The following GATA5 variants were observed in gnomAD, a reference collection of about 807,000 sequenced individuals.
GATA5 encodes transcription factor GATA-5.
A neutral mutation model predicts 35.0 loss-of-function variants in GATA5; 27 were observed. The ratio of observed to expected loss-of-function variants is 0.77; its 90% CI spans 0.57 to 1.06. The LOEUF is 1.06. GATA5 is among the 50% of genes least tolerant of loss of function. GATA5 has a pLI of 0.00. For synonymous variants in GATA5, 306 were observed against 267.8 expected, an observed-to-expected ratio of 1.14 and a Z score of -1.39; for missense variants, 612 against 580.0, an observed-to-expected ratio of 1.06 and a Z score of -0.57.
intron 3 of GATA5, among the ~76,000 whole-genome samples, chr20:62,468,094 G>A (rs1210916655): frequency 1.4e-5 from 2 of 141,372 alleles, no homozygotes; most frequent in African/African-American, 2.8e-5. Flanking sequence ...AGCCCGCCTC[G>A]GTTTCCCCAT....
intron 5 of GATA5, 114 bp from the exon 6 acceptor site, chr20:62,465,578 C>T (rs1555895981): frequency 2.1e-5 from 29 of 1,370,190 alleles, no homozygotes; most frequent in Non-Finnish European, 2.4e-5. Flanking sequence ...AGACTCCTCA[C>T]GGTCACACCG....
chr20:62,475,207 G>A lies in GATA5; in HGVS notation c.315C>T (p.Gly105=), dbSNP rs1191414901. Residue 105 remains glycine, a synonymous_variant, in exon 2 of 7, where the codon GGC becomes GGT. Coordinates refer to ENST00000252997, the MANE Select transcript of GATA5 (RefSeq NM_080473.5). Reference sequence around the variant, plus strand: ...TGCCGTCTCGGCCCCCCGCGCTGCCGCCGCTGCCGGGCCCCGAGGGGCTGT... The same window carrying A: ...TGCCGTCTCGGCCCCCCGCGCTGCCACCGCTGCCGGGCCCCGAGGGGCTGT... The part of the protein sequence containing the change: ...FAHSPSGPGS[G]GSAGGRDGSA... 4.0e-6 allele frequency: 5 copies of A among 1,254,660 alleles called. No homozygotes were observed. In the African/African-American group the frequency reaches 6.2e-5, roughly 16 times the overall value. 77.7% of individuals were successfully genotyped at this position (1,254,660 alleles called of 1,614,324 possible).
At chr20:62,472,069 G>A (rs1219724209) in intron 3 of GATA5, among the ~76,000 whole-genome samples, 1 of 152,052 alleles carries the variant, frequency 6.6e-6, no homozygotes, top group African/African-American at 2.4e-5. Context: ...TAACCTCAGT[G>A]GTTAACCCCT....
At chr20:62,465,801 G>A (rs1555896009) in intron 5 of GATA5, 33 bp downstream of exon 5, 1 of 1,510,574 alleles carries the variant, frequency 6.6e-7, no homozygotes, top group East Asian at 2.4e-5. Flanking sequence ...CACTCCGCAG[G>A]AGCGGGGCTG....
chr20:62,475,614 G>A (rs529753490), intron 1 of GATA5, 72 bp from the exon 2 acceptor site: 1 of 1,038,312 alleles, frequency 9.6e-7, no homozygotes, highest in Non-Finnish European at 1.2e-6. Context: ...AGCTTATGCC[G>A]GGCAGGTGCC....
rs112955419 is a variant in GATA5, at chr20:62,464,546, C to G, written c.*290G>C. On this transcript the variant is annotated 3_prime_UTR_variant, in exon 7 of 7. Transcript: ENST00000252997. ...GGTGGTGGTGGTGCCCTGCGTTGGC[C>G]TCCGCCGCAGGGGGCCAGTGTGGTC... 9 of 303,382 alleles carry G rather than the reference C, an allele frequency of 3.0e-5. No individual in the cohort carries two copies. The highest frequency in any genetic ancestry group is 5.5e-5 in the Non-Finnish European group (9 of 165,082). The allele number at this position is 303,382 out of a possible 1,614,324, so 18.8% of individuals were successfully genotyped here.
chr20:62,466,469 T>A lies in GATA5; in HGVS notation c.782A>T (p.Glu261Val), dbSNP rs781880140. The A allele has an allele frequency of 1.8e-5, 29 of 1,581,668 alleles. No homozygotes were observed. The highest frequency in any genetic ancestry group is 2.4e-5 in the Non-Finnish European group (28 of 1,164,628). The change falls in exon 4 of 7, where the codon GAG (glutamate) becomes GTG (valine). Residue 261 changes from glutamate (E) to valine (V), a missense_variant. Transcript: ENST00000252997. ...TTLWRRNSEG[E>V]PVCNACGLYM... Reference sequence around the variant, plus strand: ...GAGGCCGCAGGCATTGCACACGGGCTCCCCCTCCGAGTTCCGCCGCCACAG... The same window carrying A: ...GAGGCCGCAGGCATTGCACACGGGCACCCCCTCCGAGTTCCGCCGCCACAG...
chr20:62,472,788 A>C (rs1047343148), intron 3 of GATA5, among the ~76,000 whole-genome samples: 10 of 152,336 alleles, frequency 6.6e-5, no homozygotes, highest in Non-Finnish European at 1.0e-4. Flanking sequence ...GCTCAGCCAC[A>C]AGCCAGGAAG....
Position 62,464,972 on chromosome 20 carries a change from T to A in GATA5, c.1058A>T (p.Asp353Val), listed in dbSNP as rs782291037. 9.0e-6 allele frequency: 13 copies of A among 1,439,204 alleles called. No individual in the cohort carries two copies. Among genetic ancestry groups the A allele is most frequent in the Non-Finnish European group, 1.2e-5 (13 of 1,074,754 alleles). The allele number at this position is 1,439,204 out of a possible 1,614,324, so 89.2% of individuals were successfully genotyped here. ...CTCCAAGTGGCCGGGGGCAAGAGAG[T>A]CATCCTCCTGGCCAGAGGCCTGCAG... The part of the protein sequence containing the change: ...MAPQASGQED[D>V]SLAPGHLEFK... The change falls in exon 7 of 7, where the codon GAC (aspartate) becomes GTC (valine). Residue 353 changes from aspartate (D) to valine (V), a missense_variant. Asp to Val is a radical substitution (Grantham distance 152). Transcript: ENST00000252997.
chr20:62,472,405 T>C (rs1460739449), intron 3 of GATA5, among the ~76,000 whole-genome samples: 1 of 152,134 alleles, frequency 6.6e-6, no homozygotes, highest in Non-Finnish European at 1.5e-5. Context: ...TGCACCGGCA[T>C]AGCACGCGAA....
Position 62,464,904 on chromosome 20 carries a change from G to A in GATA5, c.1126C>T (p.Pro376Ser), listed in dbSNP as rs1262056501. Residue 376 changes from proline (P) to serine (S), a missense_variant, in exon 7 of 7, where the codon CCA (proline) becomes TCA (serine). Transcript: ENST00000252997. ...CCCCTGAGGCCAGCCTGGGGGCTTGGGGCCGTGGAGGGGAAGGCAAAGTCC... is the reference window on the plus strand; with the variant it reads ...CCCCTGAGGCCAGCCTGGGGGCTTGAGGCCGTGGAGGGGAAGGCAAAGTCC... ...PEDFAFPSTA[P>S]SPQAGLRGAL... 1 of 1,611,044 alleles carries A rather than the reference G, an allele frequency of 6.2e-7. No homozygotes were observed. Among genetic ancestry groups the A allele is most frequent in the East Asian group, 2.2e-5 (1 of 44,810 alleles).
chr20:62,466,396 T>A, intron 4 of GATA5, 30 bp downstream of exon 4: 1 of 1,556,052 alleles, frequency 6.4e-7, no homozygotes, highest in South Asian at 1.2e-5. Context: ...GACAGAGGCC[T>A]CCCCGCCCTG....
At position 62,465,936 on chromosome 20, in the gene GATA5, G is replaced by A. The variant is rs781890391; in HGVS notation, c.826-15C>T. The A allele has an allele frequency of 1.2e-5, 19 of 1,559,934 alleles. No homozygotes were observed. Among genetic ancestry groups the A allele is most frequent in the South Asian group, 2.3e-5 (2 of 85,814 alleles). On this transcript the variant is annotated splice_polypyrimidine_tract_variant and intron_variant, in intron 4 of 6. Transcript: ENST00000252997. ...GGCCGCGGCACCTGGCAGGGGTGGC[G>A]AGGGTGGAGGCTGGTCCCATCCCTG...
rs1989535097 is a variant in GATA5 at position 62,464,791 on chromosome 20, T to C, written c.*45A>G. 2 of 1,492,964 alleles carry C rather than the reference T, an allele frequency of 1.3e-6. No homozygotes were observed. Among genetic ancestry groups the C allele is most frequent in the Non-Finnish European group, 1.8e-6 (2 of 1,114,908 alleles). 92.5% of individuals were successfully genotyped at this position (1,492,964 alleles called of 1,614,324 possible). A position where few individuals can be genotyped will look rare whatever the true frequency, so the allele number is the denominator to read the frequency against. On this transcript the variant is annotated 3_prime_UTR_variant, in exon 7 of 7. Coordinates refer to ENST00000252997, the MANE Select transcript of GATA5 (RefSeq NM_080473.5). The stretch of plus-strand genomic sequence containing the variant: ...GCAGGCACGGAGGTGACTCAGTGGG[T>C]GGTCTGTTCCAGGCTGTTCCCCTGA...
At position 62,470,594 on chromosome 20, in the gene GATA5, C is replaced by G. The variant is rs1216306420; in HGVS notation, c.699+2809G>C. 4.6e-5 allele frequency among the ~76,000 whole-genome samples: 7 copies of G among 152,176 alleles called. No individual in the cohort carries two copies. Among genetic ancestry groups the G allele is most frequent in the African/African-American group, 1.7e-4 (7 of 41,438 alleles). On this transcript the variant is annotated intron_variant, in intron 3 of 6. Transcript: ENST00000252997. This position sits in a 1 kb window ranked among gnomAD's most constrained non-coding sequence, Gnocchi z 4.6. Reference sequence around the variant, plus strand: ...TTAGGTGCCTGACTCCAGGTAAGGACCAGTCTTGCTCAGCGGGAAGGGACG... The same window carrying G: ...TTAGGTGCCTGACTCCAGGTAAGGAGCAGTCTTGCTCAGCGGGAAGGGACG...
At chr20:62,473,634 A>C in intron 2 of GATA5, 56 bp from the exon 3 acceptor site, 1 of 1,518,598 alleles carries the variant, frequency 6.6e-7, no homozygotes, top group Non-Finnish European at 8.9e-7. Flanking sequence ...GATCCTCCCC[A>C]GCTCATGGGC....
At chr20:62,472,214 G>A (rs1415541563) in intron 3 of GATA5, among the ~76,000 whole-genome samples, 2 of 152,024 alleles carry the variant, frequency 1.3e-5, no homozygotes, top group Non-Finnish European at 2.9e-5. Flanking sequence ...GGAGGAGGCT[G>A]GGCCTGCAGA....
chr20:62,472,291 C>G (rs1989741957), intron 3 of GATA5, among the ~76,000 whole-genome samples: 1 of 152,172 alleles, frequency 6.6e-6, no homozygotes, highest in Non-Finnish European at 1.5e-5. Context: ...GGTCCTGCTT[C>G]CCACCACCTG....
chr20:62,475,570 G>A (rs939735663), intron 1 of GATA5, 28 bp from the exon 2 acceptor site: 24 of 1,227,400 alleles, frequency 2.0e-5, no homozygotes, highest in Middle Eastern at 2.2e-4. Context: ...AGGTGTGGAG[G>A]TCACGGGAGC....
Sources: gnomAD v4.1 joint callset for allele counts (sites outside exome capture counted in the v4.1 genomes callset) on GRCh38, gnomAD v4.1.1 for gene constraint, Gnocchi (gnomAD v3.1) non-coding constraint, MANE v1.5 for transcripts, NCBI Gene and HGNC (gene_info 2026-07-23, HGNC 2026-07-21) for gene names.